TIGIT: variants seen among roughly 807,000 people sequenced by gnomAD.
TIGIT encodes T cell immunoreceptor with Ig and ITIM domains.
In TIGIT, 11 loss-of-function variants were observed where a neutral mutation model predicts 19.6. That is an observed-to-expected ratio of 0.56 (90% CI 0.35 to 0.93). TIGIT has a LOEUF of 0.93. TIGIT is among the 40% of genes least tolerant of loss of function. The pLI is 0.01. For synonymous variants in TIGIT, 130 were observed against 125.5 expected, an observed-to-expected ratio of 1.04 and a Z score of -0.24; for missense variants, 295 against 303.9, an observed-to-expected ratio of 0.97 and a Z score of 0.22.
At chr3:114,303,540 C>CATATATATGTATATATATATATAT (rs2078507573) in intron 3 of TIGIT, among the ~76,000 whole-genome samples, 1 of 8,574 alleles carries the variant, frequency 1.2e-4, no homozygotes, top group Non-Finnish European at 4.0e-4. Flanking sequence ...TATATATATA[C>CATATATATGTATATATATATATAT]ACATATATAT....
At position 114,309,973 on chromosome 3, in the gene TIGIT, T is replaced by G. The variant is rs1300123043; in HGVS notation, c.*1842T>G. The G allele has an allele frequency of 6.6e-6, 1 of 152,162 alleles. No homozygotes were observed. The highest frequency in any genetic ancestry group is 1.5e-5 in the Non-Finnish European group (1 of 68,022). The allele number at this position is 152,162 out of a possible 1,614,324, so 9.4% of individuals were successfully genotyped here. On this transcript the variant is annotated 3_prime_UTR_variant, in exon 4 of 4. Transcript: ENST00000383671. Reference sequence around the variant, plus strand: ...CAGGTTACTGAAATGGGATTCAATTTGAAAAAAATTTTTTTAAATAGAACT... The same window carrying G: ...CAGGTTACTGAAATGGGATTCAATTGGAAAAAAATTTTTTTAAATAGAACT...
At chr3:114,300,281 G>A (rs1183425155) in intron 3 of TIGIT, among the ~76,000 whole-genome samples, 1 of 152,028 alleles carries the variant, frequency 6.6e-6, no homozygotes, top group East Asian at 1.9e-4. Context: ...TCGGGAGACT[G>A]TGGCGGGAGG....
intron 2 of TIGIT, among the ~76,000 whole-genome samples, chr3:114,298,215 T>C (rs953383779): frequency 3.3e-5 from 5 of 152,190 alleles, no homozygotes; most frequent in Non-Finnish European, 7.4e-5. Context: ...TCAAAGACCT[T>C]GATATCTTTG....
intron 3 of TIGIT, among the ~76,000 whole-genome samples, chr3:114,306,383 A>G (rs759319795): frequency 1.6e-4 from 24 of 152,118 alleles, no homozygotes; most frequent in Non-Finnish European, 2.8e-4. Flanking sequence ...AGCTCCCTTA[A>G]TCCAGTTAAG....
intron 3 of TIGIT, among the ~76,000 whole-genome samples, chr3:114,300,563 A>G (rs1448295163): frequency 1.3e-5 from 2 of 152,154 alleles, no homozygotes; most frequent in Admixed American, 6.5e-5. Context: ...TCATTTCCTT[A>G]TATATAAAAT....
At chr3:114,299,531 C>T (rs2078475799) in intron 2 of TIGIT, 66 bp from the exon 3 acceptor site, 2 of 1,259,352 alleles carry the variant, frequency 1.6e-6, no homozygotes, top group Non-Finnish European at 2.3e-6. Flanking sequence ...GAAGCTCAGG[C>T]TGCCCTGGGG....
chr3:114,300,516 T>C lies in TIGIT; in HGVS notation c.498+813T>C, dbSNP rs140162283. ...TAGTTTCTAGTTTTGGCACTGAGTG[T>C]ATGCTTTTAGGAAAGTTACTTAATC... On this transcript the variant is annotated intron_variant, in intron 3 of 3. Coordinates refer to ENST00000383671, the MANE Select transcript of TIGIT (RefSeq NM_173799.4). Among the ~76,000 whole-genome samples the C allele has an allele frequency of 6.6e-5, 10 of 152,314 alleles. No homozygotes were observed. The East Asian group carries it at 1.9e-3, about 29-fold the overall frequency.
intron 3 of TIGIT, among the ~76,000 whole-genome samples, chr3:114,303,942 G>C (rs563956528): frequency 6.2e-4 from 94 of 151,988 alleles, no homozygotes; most frequent in African/African-American, 2.2e-3. Flanking sequence ...TTTATTTTTT[G>C]ATTAAGGCCA....
At chr3:114,307,609 AC>A (rs1329011090) in intron 3 of TIGIT, 1 of 408,658 alleles carries the variant, frequency 2.4e-6, no homozygotes, top group Non-Finnish European at 4.5e-6. Flanking sequence ...AGTAAACAGT[AC>A]AAGAAAATAG....
At chr3:114,299,560 G>T in intron 2 of TIGIT, 37 bp from the exon 3 acceptor site, 1 of 1,509,232 alleles carries the variant, frequency 6.6e-7, no homozygotes. Context: ...TTCACTTCTG[G>T]CTTCTGCCAC....
chr3:114,303,540 C>T (rs2895419), intron 3 of TIGIT, among the ~76,000 whole-genome samples: 682 of 8,410 alleles, frequency 0.081, 30 homozygotes, highest in Middle Eastern at 0.25. Context: ...TATATATATA[C>T]ACATATATAT....
chr3:114,303,483 T>G (rs1360564922), intron 3 of TIGIT, among the ~76,000 whole-genome samples: 2 of 142,778 alleles, frequency 1.4e-5, no homozygotes, highest in African/African-American at 2.7e-5. Flanking sequence ...TGAGTAGTAT[T>G]CCATGGTGTG....
At chr3:114,304,679 G>T (rs140625562) in intron 3 of TIGIT, among the ~76,000 whole-genome samples, 30 of 152,284 alleles carry the variant, frequency 2.0e-4, no homozygotes, top group African/African-American at 7.2e-4. Context: ...TCCTCCATTA[G>T]CATGGGCTGA....
chr3:114,303,508 TATATATATAC>T, intron 3 of TIGIT, among the ~76,000 whole-genome samples: 3 of 5,694 alleles, frequency 5.3e-4, no homozygotes, highest in African/African-American at 7.6e-4. Flanking sequence ...TATATATGTA[TATATATATAC>T]ACATATATAT....
At chr3:114,307,651 G>A in intron 3 of TIGIT, 1 of 512,514 alleles carries the variant, frequency 2.0e-6, no homozygotes, top group East Asian at 3.4e-5. Flanking sequence ...TAAGCTTAGT[G>A]AACAGGAAGT....
Position 114,308,829 on chromosome 3 carries a change from G to A in TIGIT, c.*698G>A, listed in dbSNP as rs1298235157. The A allele has an allele frequency of 1.3e-5, 2 of 152,330 alleles. No homozygotes were observed. The highest frequency in any genetic ancestry group is 4.8e-5 in the African/African-American group (2 of 41,446). The allele number at this position is 152,330 out of a possible 1,614,324, so 9.4% of individuals were successfully genotyped here. A position where few individuals can be genotyped will look rare whatever the true frequency, so the allele number is the denominator to read the frequency against. On this transcript the variant is annotated 3_prime_UTR_variant, in exon 4 of 4. Coordinates refer to ENST00000383671, the MANE Select transcript of TIGIT (RefSeq NM_173799.4). ...TGTTGAGGCTAGTCTGGGAGGAGCA[G>A]GAGTTTTGTCTAGGGAACTTGTAGG...
At chr3:114,299,465 A>G (rs907289608) in intron 2 of TIGIT, 132 bp from the exon 3 acceptor site, 38 of 643,736 alleles carry the variant, frequency 5.9e-5, no homozygotes, top group Non-Finnish European at 2.0e-5. Context: ...TTGGGCTTAA[A>G]GGCTCCAGTC....
intron 3 of TIGIT, among the ~76,000 whole-genome samples, chr3:114,305,896 AGATAGATAGATG>A (rs1289001598): frequency 3.6e-4 from 52 of 143,328 alleles, no homozygotes; most frequent in African/African-American, 1.2e-3. Context: ...ATAGATAGAT[AGATAGATAGATG>A]AGGAGGGATT....
At chr3:114,299,725 C>A (rs373179347) in intron 3 of TIGIT, 22 bp downstream of exon 3, 109 of 1,545,082 alleles carry the variant, frequency 7.1e-5, no homozygotes, top group Middle Eastern at 5.1e-4. Flanking sequence ...GGCTGCACAC[C>A]GCAGTCATGG....
Sources: gnomAD v4.1 joint callset for allele counts (sites outside exome capture counted in the v4.1 genomes callset) on GRCh38, gnomAD v4.1.1 for gene constraint, MANE v1.5 for transcripts, NCBI Gene and HGNC (gene_info 2026-07-23, HGNC 2026-07-21) for gene names.